Variants in SRM observed in about 807,000 individuals in gnomAD.
SRM encodes the protein putrescine aminopropyltransferase.
SRM carries 14 observed loss-of-function variants against 39.3 expected under a neutral mutation model. The observed-to-expected ratio is 0.36, with a 90% confidence interval of 0.24 to 0.56. SRM has a LOEUF of 0.56. SRM is among the 20% of genes least tolerant of loss of function. The pLI is 0.86. For missense variants in SRM, 244 were observed against 409.2 expected (o/e 0.60, Z 3.48); for synonymous variants, 195 against 173.1 (o/e 1.13, Z -0.99).
Position 11,054,912 on chromosome 1 carries a change from G to C in SRM, c.889-27C>G. 1 of 1,611,748 alleles carries C rather than the reference G, an allele frequency of 6.2e-7. No individual in the cohort carries two copies. Among genetic ancestry groups the C allele is most frequent in the Non-Finnish European group, 8.5e-7 (1 of 1,179,734 alleles). On this transcript the variant is annotated intron_variant, in intron 7 of 7. Transcript: ENST00000376957. This position sits in a 1 kb window ranked among gnomAD's most constrained non-coding sequence, Gnocchi z 4.8. Reference sequence around the variant, plus strand: ...TGGAGGGACATGAGGCCAGTCAGGAGGGCGCTCTGGGTCCCTGGGTCCCAC... The same window carrying C: ...TGGAGGGACATGAGGCCAGTCAGGACGGCGCTCTGGGTCCCTGGGTCCCAC...
At chr1:11,055,961 C>T (rs1240152283) in intron 5 of SRM, 35 bp from the exon 6 acceptor site, 17 of 1,588,792 alleles carry the variant, frequency 1.1e-5, no homozygotes, top group Middle Eastern at 1.7e-4. Context: ...CCGGCAGGGC[C>T]TGCCCTGCCC....
At chr1:11,059,487 G>A (rs1273981449) in intron 1 of SRM, 142 bp from the exon 2 acceptor site, 4 of 1,427,496 alleles carry the variant, frequency 2.8e-6, no homozygotes, top group African/African-American at 2.8e-5. Flanking sequence ...GGCGAGGAAC[G>A]GCAGGCGGGC....
At position 11,059,923 on chromosome 1, in the gene SRM, G is replaced by A. The variant is rs772944133; in HGVS notation, c.21C>T (p.Gly7=). Residue 7 remains glycine (G), a synonymous_variant, in exon 1 of 8, where the codon GGC becomes GGT. Transcript: ENST00000376957. ...TGGCGGCGGGGCCGGAGGCGGCGGG[G>A]CCGTCGGGGCCGGGCTCCATGGCGG... MEPGPD[G]PAASGPAAIR... The A allele has an allele frequency of 3.9e-6, 5 of 1,295,018 alleles. No homozygotes were observed. The highest frequency in any genetic ancestry group is 3.4e-5 in the East Asian group (1 of 29,522). The allele number at this position is 1,295,018 out of a possible 1,614,324, so 80.2% of individuals were successfully genotyped here.
rs1638882796 is a variant in SRM, at chr1:11,056,624, GTGA to G, written c.512_514del (p.Ile171del). 6.2e-7 allele frequency: 1 copy of G among 1,614,076 alleles called. No homozygotes were observed. Among genetic ancestry groups the G allele is most frequent in the African/African-American group, 1.3e-5 (1 of 74,940 alleles). On this transcript the variant is annotated inframe_deletion, in exon 4 of 8. Coordinates refer to ENST00000376957, the MANE Select transcript of SRM (RefSeq NM_003132.3). ...CTTACCCATGGGGTCTGAGGAGTCA[GTGA>G]TGATCACGTCGAAGGCATCCTGATT...
chr1:11,055,953 G>C (rs764801378), intron 5 of SRM, 27 bp from the exon 6 acceptor site: 7 of 1,588,294 alleles, frequency 4.4e-6, no homozygotes, highest in Non-Finnish European at 6.0e-6. Flanking sequence ...ATCAGCATCC[G>C]GCAGGGCCTG....
In SRM at chr1:11,055,933, G is replaced by T. The variant is rs546643019; in HGVS notation, c.620-7C>A. 3 of 1,595,738 alleles carry T rather than the reference G, an allele frequency of 1.9e-6. No individual in the cohort carries two copies. The Admixed American group carries it at 5.1e-5, about 27-fold the overall frequency. ...TGCAGCCACTGGCACTCGCCTGGGG[G>T]CCCCTAAGCATCAGCATCCGGCAGG... On this transcript the variant is annotated splice_polypyrimidine_tract_variant and splice_region_variant and intron_variant, in intron 5 of 7. Coordinates refer to ENST00000376957, the MANE Select transcript of SRM (RefSeq NM_003132.3).
intron 1 of SRM, 164 bp from the exon 2 acceptor site, chr1:11,059,509 G>A: frequency 2.5e-6 from 3 of 1,224,138 alleles, no homozygotes; most frequent in African/African-American, 1.5e-5. Flanking sequence ...GCCGGGTGGA[G>A]GCCGGGGTGG....
In SRM at chr1:11,059,216, C is replaced by G. The variant is rs916338805; in HGVS notation, c.288+9G>C. On this transcript the variant is annotated intron_variant, in intron 2 of 7. Coordinates refer to ENST00000376957, the MANE Select transcript of SRM (RefSeq NM_003132.3). ...TCGTCCGGCACTGTTCCAGGGGACACTGGGGTACCTTTCGCGGGTTGGGGT... is the reference window on the plus strand; with the variant it reads ...TCGTCCGGCACTGTTCCAGGGGACAGTGGGGTACCTTTCGCGGGTTGGGGT... 5 of 1,613,308 alleles carry G rather than the reference C, an allele frequency of 3.1e-6. No individual in the cohort carries two copies. Among genetic ancestry groups the G allele is most frequent in the Non-Finnish European group, 4.2e-6 (5 of 1,179,960 alleles).
At chr1:11,059,629 C>T in intron 1 of SRM, 148 bp downstream of exon 1, 1 of 1,059,018 alleles carries the variant, frequency 9.4e-7, no homozygotes, top group Non-Finnish European at 1.3e-6. Flanking sequence ...CAGCCCCAGC[C>T]CAGGGAGGCG....
rs191012384 is a variant in SRM at position 11,055,204 on chromosome 1, G to A, written c.766-120C>T. Reference sequence around the variant, plus strand: ...GTCATCTCAGCTCACTGCAACCTCTGTCTCCCAGGTTCAAGTGATTCTCCT... The same window carrying A: ...GTCATCTCAGCTCACTGCAACCTCTATCTCCCAGGTTCAAGTGATTCTCCT... On this transcript the variant is annotated intron_variant, in intron 6 of 7. Coordinates refer to ENST00000376957, the MANE Select transcript of SRM (RefSeq NM_003132.3). 7.7e-4 allele frequency: 1,051 copies of A among 1,370,544 alleles called. 7 individuals are homozygous for A. In the African/African-American group the frequency reaches 0.014, roughly 19 times the overall value. 84.9% of individuals were successfully genotyped at this position (1,370,544 alleles called of 1,614,324 possible).
rs1206102904 is a variant in SRM, at chr1:11,055,886, C to G, written c.660G>C (p.Met220Ile). ...QWLHLDLIKEMRQFCQSLFPV... is the reference protein window; with the variant it reads ...QWLHLDLIKEIRQFCQSLFPV... ...GGAACAGGGACTGGCAGAACTGCCG[C>G]ATCTCCTTGATGAGGTCCAGGTGCA... Residue 220 changes from methionine (M) to isoleucine (I), a missense_variant, in exon 6 of 8, where the codon ATG becomes ATC. Coordinates refer to ENST00000376957, the MANE Select transcript of SRM (RefSeq NM_003132.3). 1 of 1,610,896 alleles carries G rather than the reference C, an allele frequency of 6.2e-7. No individual in the cohort carries two copies. Among genetic ancestry groups the G allele is most frequent in the Non-Finnish European group, 8.5e-7 (1 of 1,178,192 alleles).
At chr1:11,059,129 T>C in intron 2 of SRM, 96 bp downstream of exon 2, 1 of 1,586,966 alleles carries the variant, frequency 6.3e-7, no homozygotes, top group Non-Finnish European at 8.6e-7. Context: ...TCGCTAGCAC[T>C]TTCTCTGACA....
At chr1:11,057,810 C>T (rs932130725) in intron 3 of SRM, among the ~76,000 whole-genome samples, 2 of 149,610 alleles carry the variant, frequency 1.3e-5, no homozygotes, top group Admixed American at 6.7e-5. Flanking sequence ...ACAGATTCTT[C>T]CTCTGTCACC....
At position 11,054,781 on chromosome 1, in the gene SRM, T is replaced by C; in HGVS notation, c.*84A>G. On this transcript the variant is annotated 3_prime_UTR_variant, in exon 8 of 8. Coordinates refer to ENST00000376957, the MANE Select transcript of SRM (RefSeq NM_003132.3). The surrounding 1 kb of genome is among the most constrained non-coding windows in gnomAD (Gnocchi z 4.8). ...TTGGTGGGCGAGAGCCAGCAGGAGGTCCGGCCCGGGGCTGGAGGGGCCGAG... is the reference window on the plus strand; with the variant it reads ...TTGGTGGGCGAGAGCCAGCAGGAGGCCCGGCCCGGGGCTGGAGGGGCCGAG... The C allele has an allele frequency of 6.6e-7, 1 of 1,505,948 alleles. No homozygotes were observed. The highest frequency in any genetic ancestry group is 8.9e-7 in the Non-Finnish European group (1 of 1,126,816). The allele number at this position is 1,505,948 out of a possible 1,614,324, so 93.3% of individuals were successfully genotyped here. A position where few individuals can be genotyped will look rare whatever the true frequency, so the allele number is the denominator to read the frequency against.
chr1:11,055,740 A>G (rs976382272), intron 6 of SRM, 41 bp downstream of exon 6: 18 of 1,535,032 alleles, frequency 1.2e-5, no homozygotes, highest in African/African-American at 2.8e-5. Context: ...ATTTATGCCC[A>G]CCTTCCCCCC....
intron 3 of SRM, chr1:11,058,566 A>C: frequency 2.7e-6 from 1 of 367,084 alleles, no homozygotes; most frequent in South Asian, 6.7e-5. Flanking sequence ...TGTCTCAAAA[A>C]AAAAAAAAAA....
At chr1:11,055,178 C>T (rs1426734051) in intron 6 of SRM, 94 bp from the exon 7 acceptor site, 57 of 1,457,420 alleles carry the variant, frequency 3.9e-5, no homozygotes, top group Non-Finnish European at 4.5e-5. Context: ...AGTGCAGTGG[C>T]GTCATCTCAG....
Position 11,058,851 on chromosome 1 carries a change from C to T in SRM, c.330G>A (p.Glu110=), listed in dbSNP as rs1256117376. 11 of 1,611,884 alleles carry T rather than the reference C, an allele frequency of 6.8e-6. No individual in the cohort carries two copies. The highest frequency in any genetic ancestry group is 9.3e-6 in the Non-Finnish European group (11 of 1,179,690). ...IGGGDGGVLR[E]VVKHPSVESV... is the part of the protein sequence containing the mutation. ...ACTCCACGGAGGGGTGCTTCACCAC[C>T]TCCCGCAGGACACCTCCATCTCCGC... The change falls in exon 3 of 8, where the codon GAG becomes GAA. Residue 110 remains glutamate, a synonymous_variant. Coordinates refer to ENST00000376957, the MANE Select transcript of SRM (RefSeq NM_003132.3).
At chr1:11,059,168 C>T in intron 2 of SRM, 57 bp downstream of exon 2, 6 of 1,609,702 alleles carry the variant, frequency 3.7e-6, no homozygotes, top group South Asian at 1.1e-5. Flanking sequence ...GGGAAGAGCC[C>T]GGAGCACACC....
Sources: gnomAD v4.1 joint callset for allele counts (sites outside exome capture counted in the v4.1 genomes callset) on GRCh38, gnomAD v4.1.1 for gene constraint, Gnocchi (gnomAD v3.1) non-coding constraint, MANE v1.5 for transcripts, NCBI Gene and HGNC (gene_info 2026-07-23, HGNC 2026-07-21) for gene names.